The following TXLNA variants were observed in gnomAD, a reference collection of about 807,000 sequenced individuals.
TXLNA encodes the protein taxilin alpha.
TXLNA carries 9 observed loss-of-function variants against 61.4 expected under a neutral mutation model. The ratio of observed to expected loss-of-function variants is 0.15; its 90% CI spans 0.09 to 0.26. TXLNA has a LOEUF of 0.26. Ranked by LOEUF, TXLNA falls within the 10% of genes least tolerant of loss-of-function variation. TXLNA has a pLI of 1.00. For missense variants in TXLNA, 565 were observed against 688.8 expected (o/e 0.82, Z 2.01); for synonymous variants, 257 against 267.7 (o/e 0.96, Z 0.39).
chr1:32,193,237 G>T lies in TXLNA; in HGVS notation c.1188G>T (p.Glu396Asp). The change falls in exon 9 of 11, where the codon GAG (glutamate) becomes GAT (aspartate). Residue 396 changes from glutamate (E) to aspartate (D), a missense_variant. Physicochemically the swap from Glu to Asp is conservative, Grantham distance 45. Around this residue, in one of 2 missense-constraint regions of TXLNA, gnomAD observed 373 missense variants for 504.0 expected, o/e 0.74. Transcript: ENST00000373610. ...CCCTATACACAGAGAAGTTTGAGGA[G>T]TTCCAGAACACACTTTCCAAAAGCA... ...QLALYTEKFE[E>D]FQNTLSKSSE... 1 of 1,613,886 alleles carries T rather than the reference G, an allele frequency of 6.2e-7. No individual in the cohort carries two copies. The highest frequency in any genetic ancestry group is 8.5e-7 in the Non-Finnish European group (1 of 1,179,946).
intron 4 of TXLNA, 84 bp from the exon 5 acceptor site, chr1:32,187,870 A>G: frequency 6.8e-7 from 1 of 1,460,160 alleles, no homozygotes; most frequent in Non-Finnish European, 9.3e-7. Context: ...AGGGCAGCTC[A>G]GGAGACCCTA....
In TXLNA at chr1:32,192,274, C is replaced by T; in HGVS notation, c.964-37C>T. 6.2e-7 allele frequency: 1 copy of T among 1,608,328 alleles called. No homozygotes were observed. The highest frequency in any genetic ancestry group is 1.1e-5 in the South Asian group (1 of 90,606). ...TGGGGCTACCCTGAGAAAGGGAGCG[C>T]CTGACAAGCCGACTGCTCCCACCAT... On this transcript the variant is annotated intron_variant, in intron 6 of 10. Coordinates refer to ENST00000373610, the MANE Select transcript of TXLNA (RefSeq NM_175852.4). This position sits in a 1 kb window ranked among gnomAD's most constrained non-coding sequence, Gnocchi z 4.2.
At position 32,181,486 on chromosome 1, in the gene TXLNA, G is replaced by C; in HGVS notation, c.414G>C (p.Gly138=). 1 of 1,611,450 alleles carries C rather than the reference G, an allele frequency of 6.2e-7. No individual in the cohort carries two copies. Among genetic ancestry groups the C allele is most frequent in the East Asian group, 2.2e-5 (1 of 44,796 alleles). The change falls in exon 3 of 11, where the codon GGG becomes GGC. Residue 138 remains glycine, a synonymous_variant. Transcript: ENST00000373610. The part of the protein sequence containing the change: ...VVNGEKEPSK[G]DPNTEEIRQS... ...ATGGAGAGAAGGAACCCTCCAAGGG[G>C]GATCCAAACACAGAAGAGATCCGGC...
At position 32,195,653 on chromosome 1, in the gene TXLNA, AGGCCCTCCTAGCTGCTCT is replaced by A; in HGVS notation, c.*461_*478del. ...TGAGCAGGGCTTGCTTGGTCAGCTC[AGGCCCTCCTAGCTGCTCT>A]GGAGGCTCCTTTGATTCTCTAGACC... On this transcript the variant is annotated 3_prime_UTR_variant, in exon 11 of 11. Transcript: ENST00000373610. 1 of 452,606 alleles carries A rather than the reference AGGCCCTCCTAGCTGCTCT, an allele frequency of 2.2e-6. No homozygotes were observed. The highest frequency in any genetic ancestry group is 1.6e-5 in the South Asian group (1 of 63,946). 28.0% of individuals were successfully genotyped at this position (452,606 alleles called of 1,614,324 possible).
chr1:32,194,760 C>A, intron 10 of TXLNA, 142 bp from the exon 11 acceptor site: 1 of 1,003,066 alleles, frequency 1.0e-6, no homozygotes, highest in Non-Finnish European at 1.5e-6. Context: ...CTAGTCATGG[C>A]TTCAACTAGG....
In TXLNA at chr1:32,196,865, C is replaced by G. The variant is rs1208053652; in HGVS notation, c.*1670C>G. ...CATGTGTGACTGAGACCAGAGATGGCAAATGAATGGCACACCATTTCTCCT... is the reference window on the plus strand; with the variant it reads ...CATGTGTGACTGAGACCAGAGATGGGAAATGAATGGCACACCATTTCTCCT... On this transcript the variant is annotated 3_prime_UTR_variant, in exon 11 of 11. Transcript: ENST00000373610. 6.6e-6 allele frequency: 1 copy of G among 152,258 alleles called. No homozygotes were observed. The highest frequency in any genetic ancestry group is 2.4e-5 in the African/African-American group (1 of 41,462). 9.4% of individuals were successfully genotyped at this position (152,258 alleles called of 1,614,324 possible).
In TXLNA at chr1:32,192,216, G is replaced by C. The variant is rs1197298077; in HGVS notation, c.964-95G>C. On this transcript the variant is annotated intron_variant, in intron 6 of 10. Transcript: ENST00000373610. This position sits in a 1 kb window ranked among gnomAD's most constrained non-coding sequence, Gnocchi z 4.2. ...GAGTCCATCATATCAGATTGAGATG[G>C]GGGGCTGGGCAAAGTGCCCTGGTCT... 2 of 1,542,528 alleles carry C rather than the reference G, an allele frequency of 1.3e-6. No individual in the cohort carries two copies. The highest frequency in any genetic ancestry group is 2.3e-5 in the East Asian group (1 of 43,504).
In TXLNA at chr1:32,195,439, A is replaced by G. The variant is rs1282017959; in HGVS notation, c.*244A>G. The G allele has an allele frequency of 1.0e-5, 6 of 579,186 alleles. No homozygotes were observed. The highest frequency in any genetic ancestry group is 3.1e-5 in the Admixed American group (1 of 32,338). The allele number at this position is 579,186 out of a possible 1,614,324, so 35.9% of individuals were successfully genotyped here. A position where few individuals can be genotyped will look rare whatever the true frequency, so the allele number is the denominator to read the frequency against. ...GCTTGCATTGGGGATGGGGGTGTGT[A>G]CAGATGAAGTCAGTGGCTTGTCTGT... is the stretch of plus-strand genomic sequence containing the variant. On this transcript the variant is annotated 3_prime_UTR_variant, in exon 11 of 11. Coordinates refer to ENST00000373610, the MANE Select transcript of TXLNA (RefSeq NM_175852.4).
chr1:32,189,064 C>G (rs1378298476), intron 5 of TXLNA, among the ~76,000 whole-genome samples: 1 of 151,892 alleles, frequency 6.6e-6, no homozygotes, highest in East Asian at 1.9e-4. Flanking sequence ...TAACATTTTT[C>G]CCTATCAGTA....
chr1:32,181,023 ATT>A (rs1642643870), intron 2 of TXLNA, among the ~76,000 whole-genome samples: 1 of 152,186 alleles, frequency 6.6e-6, no homozygotes, highest in Non-Finnish European at 1.5e-5. Context: ...TTAGGCAACG[ATT>A]ACTATAATTT....
At position 32,196,228 on chromosome 1, in the gene TXLNA, T is replaced by C. The variant is rs372993464; in HGVS notation, c.*1033T>C. 6.5e-6 allele frequency: 1 copy of C among 153,568 alleles called. No individual in the cohort carries two copies. The highest frequency in any genetic ancestry group is 1.9e-4 in the East Asian group (1 of 5,192). The allele number at this position is 153,568 out of a possible 1,614,324, so 9.5% of individuals were successfully genotyped here. Reference sequence around the variant, plus strand: ...CTTTGCCACAAGCTTACCTGTGGGTTTCAGTCCTGAGAGGCCACCACCAGT... The same window carrying C: ...CTTTGCCACAAGCTTACCTGTGGGTCTCAGTCCTGAGAGGCCACCACCAGT... On this transcript the variant is annotated 3_prime_UTR_variant, in exon 11 of 11. Coordinates refer to ENST00000373610, the MANE Select transcript of TXLNA (RefSeq NM_175852.4).
chr1:32,180,389 A>G lies in TXLNA; in HGVS notation c.44A>G (p.Asn15Ser), dbSNP rs567217786. 5.4e-4 allele frequency: 865 copies of G among 1,614,112 alleles called. 18 individuals carry two copies. In the South Asian group the frequency reaches 8.7e-3, roughly 16 times the overall value. ...DKKNGAAKQSNPKSSPGQPEA... is the reference protein window; with the variant it reads ...DKKNGAAKQSSPKSSPGQPEA... ...AAGAACGGGGCTGCCAAACAATCCA[A>G]TCCAAAAAGCAGCCCAGGACAACCG... Residue 15 changes from asparagine to serine, a missense_variant, in exon 2 of 11, where the codon AAT (asparagine) becomes AGT (serine). Physicochemically the swap from Asn to Ser is conservative, Grantham distance 46. This residue lies in a region of TXLNA where 192 missense variants were observed against 184.8 expected (regional missense o/e 1.04). Transcript: ENST00000373610.
intron 3 of TXLNA, among the ~76,000 whole-genome samples, chr1:32,181,895 G>T (rs961415347): frequency 2.0e-5 from 3 of 152,146 alleles, no homozygotes; most frequent in Non-Finnish European, 4.4e-5. Context: ...CCTTGGGTGT[G>T]TCCCTTCTCC....
chr1:32,194,668 A>C (rs1642977011), intron 10 of TXLNA, among the ~76,000 whole-genome samples: 1 of 152,130 alleles, frequency 6.6e-6, no homozygotes, highest in Non-Finnish European at 1.5e-5. Context: ...TCCTTTGCCA[A>C]GGTCACGTGG....
rs1642737425 is a variant in TXLNA at position 32,184,385 on chromosome 1, T to C, written c.506-140T>C. 6 of 644,394 alleles carry C rather than the reference T, an allele frequency of 9.3e-6. 1 individual carries two copies. Among genetic ancestry groups the C allele is most frequent in the South Asian group, 3.5e-5 (2 of 56,590 alleles). 39.9% of individuals were successfully genotyped at this position (644,394 alleles called of 1,614,324 possible). A position where few individuals can be genotyped will look rare whatever the true frequency, so the allele number is the denominator to read the frequency against. On this transcript the variant is annotated intron_variant, in intron 3 of 10. Coordinates refer to ENST00000373610, the MANE Select transcript of TXLNA (RefSeq NM_175852.4). ...GAGGGCAGGATTGAGTTGGTCCTTATGGCAAGGAAGGCAGCTAATCAACAA... is the reference window on the plus strand; with the variant it reads ...GAGGGCAGGATTGAGTTGGTCCTTACGGCAAGGAAGGCAGCTAATCAACAA...
In TXLNA at chr1:32,195,356, T is replaced by G; in HGVS notation, c.*161T>G. On this transcript the variant is annotated 3_prime_UTR_variant, in exon 11 of 11. Coordinates refer to ENST00000373610, the MANE Select transcript of TXLNA (RefSeq NM_175852.4). ...TTGGATTTTGTGGGTCAGTTTTACG[T>G]ACATAGGGCATTTTGCAAGGCCTTG... The G allele has an allele frequency of 1.1e-5, 8 of 717,304 alleles. No homozygotes were observed. Among genetic ancestry groups the G allele is most frequent in the Non-Finnish European group, 1.8e-5 (8 of 435,358 alleles). The allele number at this position is 717,304 out of a possible 1,614,324, so 44.4% of individuals were successfully genotyped here. A position where few individuals can be genotyped will look rare whatever the true frequency, so the allele number is the denominator to read the frequency against.
chr1:32,190,909 A>G (rs1490935653), intron 6 of TXLNA, among the ~76,000 whole-genome samples: 1 of 152,168 alleles, frequency 6.6e-6, no homozygotes. Context: ...CCTGGCCAAC[A>G]TGGTGAAACC....
intron 3 of TXLNA, among the ~76,000 whole-genome samples, chr1:32,183,882 G>A (rs1027437349): frequency 2.0e-5 from 3 of 151,894 alleles, no homozygotes; most frequent in Admixed American, 1.3e-4. Flanking sequence ...GACTACAGGC[G>A]CGTGCCACCA....
rs1170055660 is a variant in TXLNA, at chr1:32,195,397, CT to C, written c.*203del. On this transcript the variant is annotated 3_prime_UTR_variant, in exon 11 of 11. Coordinates refer to ENST00000373610, the MANE Select transcript of TXLNA (RefSeq NM_175852.4). The stretch of plus-strand genomic sequence containing the variant: ...CAAGGCCTTGCAAATGCATTTATAC[CT>C]GTAAGTGTACAGTGGGCTTGCATTG... 14 of 604,476 alleles carry C rather than the reference CT, an allele frequency of 2.3e-5. No individual in the cohort carries two copies. Among genetic ancestry groups the C allele is most frequent in the South Asian group, 6.2e-5 (3 of 48,490 alleles). 37.4% of individuals were successfully genotyped at this position (604,476 alleles called of 1,614,324 possible). A position where few individuals can be genotyped will look rare whatever the true frequency, so the allele number is the denominator to read the frequency against.
Sources: allele counts gnomAD v4.1 joint callset (sites outside exome capture counted in the v4.1 genomes callset), GRCh38; gene constraint gnomAD v4.1.1; regional missense constraint gnomAD v4.1.1; non-coding constraint Gnocchi (gnomAD v3.1); transcripts MANE v1.5; gene names NCBI Gene and HGNC (gene_info 2026-07-23, HGNC 2026-07-21).